Variants in TYW1 observed in about 807,000 individuals in gnomAD.
The protein encoded by TYW1 is S-adenosyl-L-methionine-dependent tRNA 4-demethylwyosine synthase TYW1.
A neutral mutation model predicts 96.2 loss-of-function variants in TYW1; 46 were observed. The observed-to-expected ratio is 0.48, with a 90% CI of 0.38 to 0.61. The LOEUF (loss-of-function observed/expected upper bound fraction) is 0.61. TYW1 is among the 20% of genes least tolerant of loss of function. The pLI is 0.00. For missense variants in TYW1, 684 were observed against 909.6 expected (o/e 0.75, Z 3.19); for synonymous variants, 274 against 323.0 (o/e 0.85, Z 1.63).
At chr7:67,140,502 A>G (rs1295257003) in intron 13 of TYW1, among the ~76,000 whole-genome samples, 1 of 152,210 alleles carries the variant, frequency 6.6e-6, no homozygotes, top group Non-Finnish European at 1.5e-5. Flanking sequence ...TGAAAATACT[A>G]CTGCCAATCA....
rs1041315089 is a variant in TYW1 at position 66,996,872 on chromosome 7, G to T, written c.-107G>T. On this transcript the variant is annotated 5_prime_UTR_variant, in exon 1 of 16. Transcript: ENST00000359626. The stretch of plus-strand genomic sequence containing the variant: ...GCTGCCCACAGGTCTGCAGGCACTC[G>T]GTACGCCGCTAACGCGGCGAGGTAG... 1.4e-4 allele frequency: 220 copies of T among 1,584,190 alleles called. 3 individuals are homozygous for T. The highest frequency in any genetic ancestry group is 1.3e-5 in the African/African-American group (1 of 74,436).
rs779451939 is a variant in TYW1, at chr7:67,238,331, G to T, written c.2001G>T (p.Trp667Cys). The T allele has an allele frequency of 1.1e-5, 18 of 1,611,320 alleles. No individual in the cohort carries two copies. The highest frequency in any genetic ancestry group is 1.5e-5 in the Non-Finnish European group (18 of 1,178,182). ...HRKFKIGGEWWTWIDYNRFQE... is the reference protein window; with the variant it reads ...HRKFKIGGEWCTWIDYNRFQE... ...AGTTTAAAATTGGTGGTGAATGGTGGACATGGATCGATTATAACCGCTTCC... is the reference window on the plus strand; with the variant it reads ...AGTTTAAAATTGGTGGTGAATGGTGTACATGGATCGATTATAACCGCTTCC... Residue 667 changes from tryptophan to cysteine, a missense_variant, in exon 16 of 16, where the codon TGG becomes TGT. Transcript: ENST00000359626.
chr7:67,049,843 G>A (rs751498001), intron 7 of TYW1, 106 bp from the exon 8 acceptor site: 25 of 1,404,914 alleles, frequency 1.8e-5, no homozygotes, highest in Non-Finnish European at 2.3e-5. Flanking sequence ...CACCGTGCCC[G>A]GCCTCATAAT....
At chr7:67,227,328 C>G (rs1011479791) in intron 15 of TYW1, among the ~76,000 whole-genome samples, 8 of 152,206 alleles carry the variant, frequency 5.3e-5, no homozygotes, top group Admixed American at 2.0e-4. Flanking sequence ...ACGATCTCTG[C>G]TCACAGCAAC....
chr7:67,023,742 T>TG (rs1411394992), intron 6 of TYW1, among the ~76,000 whole-genome samples: 2 of 152,072 alleles, frequency 1.3e-5, no homozygotes, highest in Non-Finnish European at 2.9e-5. Flanking sequence ...CACTCCAGCC[T>TG]GGGTGACAGA....
At chr7:67,091,514 G>A (rs1796721216) in intron 11 of TYW1, among the ~76,000 whole-genome samples, 1 of 152,252 alleles carries the variant, frequency 6.6e-6, no homozygotes, top group South Asian at 2.1e-4. Flanking sequence ...GTTTACATAT[G>A]TAACAAACCT....
At chr7:67,025,747 A>G (rs56805660) in intron 7 of TYW1, among the ~76,000 whole-genome samples, 14,040 of 152,174 alleles carry the variant, frequency 0.092, 830 homozygotes, top group East Asian at 0.3. Context: ...GATTCCAGTG[A>G]TCTAAAATTG....
intron 14 of TYW1, among the ~76,000 whole-genome samples, chr7:67,193,505 A>G (rs1429424810): frequency 1.3e-5 from 2 of 152,140 alleles, no homozygotes; most frequent in Non-Finnish European, 2.9e-5. Context: ...CACATCTGTA[A>G]TCCCAGCACA....
In TYW1 at chr7:67,018,181, C is replaced by T. The variant is rs573597987; in HGVS notation, c.861+38C>T. The T allele has an allele frequency of 3.1e-6, 5 of 1,590,860 alleles. No individual in the cohort carries two copies. In the South Asian group the frequency reaches 4.5e-5, roughly 14 times the overall value. The stretch of plus-strand genomic sequence containing the variant: ...TGTGTTCATCTCTCGAGGCTTTCCT[C>T]TTCTGCTTGGAGATCTCGAGCTTGA... On this transcript the variant is annotated intron_variant, in intron 6 of 15. Transcript: ENST00000359626.
At chr7:67,008,443 C>T (rs935818461) in intron 3 of TYW1, among the ~76,000 whole-genome samples, 6 of 152,166 alleles carry the variant, frequency 3.9e-5, no homozygotes, top group East Asian at 1.9e-4. Context: ...TCTCTGGCAA[C>T]GAGCCTCCAT....
intron 9 of TYW1, among the ~76,000 whole-genome samples, chr7:67,060,844 A>C (rs1795673421): frequency 6.6e-6 from 1 of 152,170 alleles, no homozygotes; most frequent in Non-Finnish European, 1.5e-5. Context: ...TCTGGTTTGT[A>C]GTTTGAATAT....
chr7:67,141,443 AT>A (rs1229444633), intron 13 of TYW1, among the ~76,000 whole-genome samples: 16 of 152,322 alleles, frequency 1.1e-4, no homozygotes, highest in African/African-American at 3.8e-4. Flanking sequence ...TTTGAGCACC[AT>A]TTGGTACAGT....
intron 14 of TYW1, among the ~76,000 whole-genome samples, chr7:67,184,584 G>A (rs1799939826): frequency 7.2e-6 from 1 of 138,834 alleles, no homozygotes; most frequent in Non-Finnish European, 1.5e-5. Flanking sequence ...AAGCTTTTCT[G>A]AGATGACATT....
At chr7:67,024,173 T>C (rs1387084388) in intron 6 of TYW1, among the ~76,000 whole-genome samples, 1 of 152,096 alleles carries the variant, frequency 6.6e-6, no homozygotes, top group Non-Finnish European at 1.5e-5. Context: ...GCTAAAGACT[T>C]AAGATTTATT....
In TYW1 at chr7:67,098,628, A is replaced by G; in HGVS notation, c.1472A>G (p.Tyr491Cys). The G allele has an allele frequency of 6.2e-7, 1 of 1,613,954 alleles. No homozygotes were observed. Among genetic ancestry groups the G allele is most frequent in the South Asian group, 1.1e-5 (1 of 91,020 alleles). ...TCCCTCGTGGGAGAACCAATAATGT[A>G]CCCAGAGATCAACAGGTTTTTGAAG... The part of the protein sequence containing the change: ...ALSLVGEPIM[Y>C]PEINRFLKLL... The change falls in exon 12 of 16, where the codon TAC becomes TGC. Residue 491 changes from tyrosine (Y) to cysteine (C), a missense_variant. Transcript: ENST00000359626.
chr7:67,107,377 A>C (rs1283768193), intron 12 of TYW1, among the ~76,000 whole-genome samples: 1 of 152,124 alleles, frequency 6.6e-6, no homozygotes, highest in Admixed American at 6.6e-5. Context: ...TTTAAAATCT[A>C]ATTTTCTCTC....
At chr7:67,052,616 T>C (rs1000445754) in intron 8 of TYW1, among the ~76,000 whole-genome samples, 8 of 152,320 alleles carry the variant, frequency 5.3e-5, no homozygotes, top group Middle Eastern at 3.4e-3. Context: ...CAGCTTTGGT[T>C]GATGGATTTT....
At chr7:67,103,090 T>C (rs1797138771) in intron 12 of TYW1, among the ~76,000 whole-genome samples, 1 of 152,214 alleles carries the variant, frequency 6.6e-6, no homozygotes, top group East Asian at 1.9e-4. Context: ...AAGTAGCCAT[T>C]CTAGATTCAG....
intron 13 of TYW1, among the ~76,000 whole-genome samples, chr7:67,139,846 CT>C (rs1263413848): frequency 6.6e-6 from 1 of 150,782 alleles, no homozygotes; most frequent in Non-Finnish European, 1.5e-5. Context: ...TTAAAATTAT[CT>C]TTTTTTGTGA....
Sources: allele counts gnomAD v4.1 joint callset (sites outside exome capture counted in the v4.1 genomes callset), GRCh38; gene constraint gnomAD v4.1.1; transcripts MANE v1.5; gene names NCBI Gene and HGNC (gene_info 2026-07-23, HGNC 2026-07-21).